The following SAMD5 variants were observed in gnomAD, a reference collection of about 807,000 sequenced individuals.
SAMD5 encodes sterile alpha motif domain containing 5.
In SAMD5, 13 loss-of-function variants were observed where a neutral mutation model predicts 11.3. The ratio of observed to expected loss-of-function variants is 1.15; its 90% confidence interval spans 0.75 to 1.83. SAMD5 has a LOEUF of 1.83. SAMD5 is among the 40% of genes most tolerant of loss of function. The pLI is 0.00. For synonymous variants in SAMD5, 129 were observed against 111.3 expected (o/e 1.16, Z -1.00); for missense variants, 255 against 239.1 (o/e 1.07, Z -0.44).
At chr6:147,931,552 A>G in the SAMD5 span, among the ~76,000 whole-genome samples, 1 of 152,204 alleles carries the variant, frequency 6.6e-6, no homozygotes. Flanking sequence ...TGGACATTCT[A>G]GAAATTAATA....
chr6:147,810,780 C>G, the SAMD5 span, among the ~76,000 whole-genome samples: 2 of 152,128 alleles, frequency 1.3e-5, no homozygotes, highest in African/African-American at 4.8e-5. Flanking sequence ...CTATTATTGT[C>G]CCCATTTTAC....
chr6:147,849,011 C>T, the SAMD5 span, among the ~76,000 whole-genome samples: 2 of 152,294 alleles, frequency 1.3e-5, no homozygotes, highest in South Asian at 2.1e-4. Flanking sequence ...AAGGCTGTCA[C>T]AACTCCTCAA....
chr6:147,795,087 T>C, the SAMD5 span, among the ~76,000 whole-genome samples: 1 of 151,626 alleles, frequency 6.6e-6, no homozygotes, highest in Non-Finnish European at 1.5e-5. Flanking sequence ...TATTATACTT[T>C]AAGTTTTAGG....
intron 1 of SAMD5, among the ~76,000 whole-genome samples, chr6:147,628,716 A>G (rs1790095063): frequency 6.6e-6 from 1 of 152,196 alleles, no homozygotes; most frequent in South Asian, 2.1e-4. Flanking sequence ...AAAAAGGAAG[A>G]AAAAGATCTG....
intron 1 of SAMD5, among the ~76,000 whole-genome samples, chr6:147,689,051 T>C (rs901705709): frequency 8.4e-6 from 1 of 119,444 alleles, no homozygotes; most frequent in Non-Finnish European, 1.9e-5. Flanking sequence ...AAGTAGGCTC[T>C]TTTCAGGATG....
the SAMD5 span, among the ~76,000 whole-genome samples, chr6:147,893,582 T>C: frequency 6.6e-6 from 1 of 152,236 alleles, no homozygotes; most frequent in East Asian, 1.9e-4. Flanking sequence ...CCATTTTTTT[T>C]CAACCTTTTC....
At chr6:147,777,706 C>T in the SAMD5 span, among the ~76,000 whole-genome samples, 1 of 152,092 alleles carries the variant, frequency 6.6e-6, no homozygotes, top group East Asian at 1.9e-4. Context: ...CCCTTGGTAA[C>T]CTCTCCTTCT....
At chr6:147,918,010 C>G in the SAMD5 span, among the ~76,000 whole-genome samples, 2 of 152,070 alleles carry the variant, frequency 1.3e-5, no homozygotes, top group African/African-American at 2.4e-5. Context: ...CAGCTTTGTT[C>G]TTTTTGCTTA....
intron 1 of SAMD5, among the ~76,000 whole-genome samples, chr6:147,651,659 A>C (rs1790485420): frequency 6.6e-6 from 1 of 152,228 alleles, no homozygotes; most frequent in Non-Finnish European, 1.5e-5. Flanking sequence ...CTGATTCCCC[A>C]GCCTTCAGAT....
chr6:147,696,903 A>C (rs1470314145), intron 1 of SAMD5, among the ~76,000 whole-genome samples: 4 of 152,180 alleles, frequency 2.6e-5, no homozygotes, highest in Non-Finnish European at 5.9e-5. Flanking sequence ...TTAAAAGAAA[A>C]AAATATTTAG....
At chr6:147,794,131 A>T in the SAMD5 span, among the ~76,000 whole-genome samples, 1 of 152,190 alleles carries the variant, frequency 6.6e-6, no homozygotes, top group African/African-American at 2.4e-5. Context: ...CATTTTCTTT[A>T]ATAAATAGCA....
At chr6:147,517,301 T>C (rs1163421754) in intron 1 of SAMD5, among the ~76,000 whole-genome samples, 2 of 152,186 alleles carry the variant, frequency 1.3e-5, no homozygotes, top group Non-Finnish European at 2.9e-5. Flanking sequence ...CTGCTTCTGG[T>C]GTTCTTTACT....
chr6:147,531,106 AT>A (rs1375465212), intron 1 of SAMD5, among the ~76,000 whole-genome samples: 2 of 151,944 alleles, frequency 1.3e-5, no homozygotes, highest in African/African-American at 4.8e-5. Flanking sequence ...TTTTTCAGTT[AT>A]CCCAGGACAT....
chr6:147,723,324 A>G (rs1244818914), intron 1 of SAMD5, among the ~76,000 whole-genome samples: 1 of 152,138 alleles, frequency 6.6e-6, no homozygotes, highest in East Asian at 1.9e-4. Context: ...TAGGTCCATG[A>G]GCATTTCCTA....
the SAMD5 span, chr6:147,947,492 A>G: frequency 6.6e-6 from 1 of 152,038 alleles, no homozygotes; most frequent in Admixed American, 6.6e-5. Flanking sequence ...TTTTATCTTC[A>G]TTGCTTCAGG....
At chr6:147,850,472 C>T in the SAMD5 span, among the ~76,000 whole-genome samples, 1 of 152,110 alleles carries the variant, frequency 6.6e-6, no homozygotes, top group South Asian at 2.1e-4. Context: ...GTTAATATTT[C>T]ATAATGCCAG....
intron 1 of SAMD5, among the ~76,000 whole-genome samples, chr6:147,556,804 TTTTAA>T (rs1461403029): frequency 6.6e-6 from 1 of 152,210 alleles, no homozygotes; most frequent in South Asian, 2.1e-4. Context: ...TTATTTTCAA[TTTTAA>T]TTTATCAGAA....
chr6:147,679,673 CTTTCT>C (rs750354262), intron 1 of SAMD5, among the ~76,000 whole-genome samples: 4 of 151,922 alleles, frequency 2.6e-5, no homozygotes, highest in Non-Finnish European at 4.4e-5. Flanking sequence ...TCCAATGTCT[CTTTCT>C]TTTCTTTGAT....
At chr6:147,780,359 C>T in the SAMD5 span, among the ~76,000 whole-genome samples, 2 of 152,064 alleles carry the variant, frequency 1.3e-5, no homozygotes, top group African/African-American at 4.8e-5. Context: ...AGATGCCCGC[C>T]ACCACCCCTG....
Sources: allele counts gnomAD v4.1 joint callset (sites outside exome capture counted in the v4.1 genomes callset), GRCh38; gene constraint gnomAD v4.1.1; transcripts MANE v1.5; gene names NCBI Gene and HGNC (gene_info 2026-07-23, HGNC 2026-07-21).